The following ZNF577 variants were observed in gnomAD, a reference collection of about 807,000 sequenced individuals.
ZNF577 encodes the protein zinc finger protein 577.
A neutral mutation model predicts 13.9 loss-of-function variants in ZNF577; 14 were observed. The ratio of observed to expected loss-of-function variants is 1.00; its 90% CI spans 0.66 to 1.57. The LOEUF is 1.57. Among genes scored for constraint, ZNF577 ranks in the 40% most tolerant of loss-of-function variants. The probability of loss-of-function intolerance (pLI) is 0.00; values close to 1 mark genes in which losing one functional copy is unlikely to be tolerated. For missense variants in ZNF577, 555 were observed against 579.2 expected, an observed-to-expected ratio of 0.96 and a Z score of 0.43; for synonymous variants, 203 against 202.9, an observed-to-expected ratio of 1.00 and a Z score of 0.00.
intron 9 of ZNF577, chr19:51,825,081 T>C (rs1432318164): frequency 8.8e-6 from 3 of 342,806 alleles, no homozygotes; most frequent in Non-Finnish European, 1.7e-5. Flanking sequence ...GCTCCTCCAG[T>C]TGAGACACAA....
chr19:51,854,522 TGGG>T (rs1441327595), intron 5 of ZNF577, among the ~76,000 whole-genome samples: 11 of 115,860 alleles, frequency 9.5e-5, no homozygotes, highest in African/African-American at 3.9e-4. Flanking sequence ...TTTTTAGAGA[TGGG>T]GTCTCGCTAT....
At chr19:51,830,719 T>C (rs2084257153) in intron 9 of ZNF577, among the ~76,000 whole-genome samples, 2 of 152,240 alleles carry the variant, frequency 1.3e-5, no homozygotes, top group South Asian at 4.1e-4. Context: ...CAGTGATTTA[T>C]CTTTCTCAAT....
At chr19:51,838,119 C>T (rs984602066) in intron 9 of ZNF577, among the ~76,000 whole-genome samples, 1 of 152,200 alleles carries the variant, frequency 6.6e-6, no homozygotes, top group African/African-American at 2.4e-5. Context: ...TTGTTTCACA[C>T]TGCTAAATTT....
intron 1 of ZNF577, among the ~76,000 whole-genome samples, chr19:51,882,705 G>T (rs138008058): frequency 1.3e-5 from 2 of 152,164 alleles, no homozygotes; most frequent in East Asian, 3.9e-4. Flanking sequence ...GATCGCTTGA[G>T]CCCAGGAGTT....
chr19:51,822,752 T>C (rs894444634), intron 9 of ZNF577, among the ~76,000 whole-genome samples: 1 of 152,180 alleles, frequency 6.6e-6, no homozygotes, highest in East Asian at 1.9e-4. Context: ...CTTGAAGATA[T>C]ACAACGGATG....
chr19:51,882,906 A>G (rs967268964), intron 1 of ZNF577, among the ~76,000 whole-genome samples: 9 of 152,072 alleles, frequency 5.9e-5, no homozygotes, highest in African/African-American at 1.2e-4. Flanking sequence ...GGAAGGAAAC[A>G]GGTGATTTCT....
chr19:51,838,626 A>G (rs2084301876), intron 9 of ZNF577, among the ~76,000 whole-genome samples: 1 of 147,968 alleles, frequency 6.8e-6, no homozygotes, highest in South Asian at 2.1e-4. Context: ...AATTTATATT[A>G]AATTAAATAG....
rs138636286 is a variant in ZNF577, at chr19:51,868,998, C to T, written c.*3534G>A. On this transcript the variant is annotated 3_prime_UTR_variant, in exon 6 of 6. Coordinates refer to ENST00000638348, the MANE Select transcript of ZNF577 (RefSeq NM_001370449.1). Reference sequence around the variant, plus strand: ...CTCGAGTACCCAGGGACACAATGCACTGCGGAAGGCCGCAGGGACCTCTGC... The same window carrying T: ...CTCGAGTACCCAGGGACACAATGCATTGCGGAAGGCCGCAGGGACCTCTGC... Among the ~76,000 whole-genome samples the T allele has an allele frequency of 0.057, 8,618 of 152,116 alleles. 473 individuals carry two copies. The highest frequency in any genetic ancestry group is 0.25 in the South Asian group (1,208 of 4,808).
At chr19:51,833,201 G>A (rs935311790) in intron 9 of ZNF577, among the ~76,000 whole-genome samples, 8 of 114,240 alleles carry the variant, frequency 7.0e-5, no homozygotes, top group Admixed American at 1.8e-4. Flanking sequence ...AGAGTCTACC[G>A]GGCTCTACCT....
intron 1 of ZNF577, among the ~76,000 whole-genome samples, chr19:51,882,189 T>A (rs1278168212): frequency 6.6e-6 from 1 of 152,110 alleles, no homozygotes; most frequent in Non-Finnish European, 1.5e-5. Context: ...CATGAATGGG[T>A]TGGAGCTGAG....
intron 8 of ZNF577, among the ~76,000 whole-genome samples, chr19:51,841,690 G>A (rs1303979778): frequency 3.3e-5 from 5 of 152,116 alleles, no homozygotes; most frequent in South Asian, 2.1e-4. Flanking sequence ...GGGCCAAGGC[G>A]GGTGGATCAC....
chr19:51,872,763 A>G lies in ZNF577; in HGVS notation c.1227T>C (p.Thr409=), dbSNP rs1318362956. The G allele has an allele frequency of 6.8e-6, 11 of 1,614,190 alleles. No individual in the cohort carries two copies. The highest frequency in any genetic ancestry group is 8.5e-6 in the Non-Finnish European group (10 of 1,180,028). ...YMSELIQEQK[T]VNTVPIEMPS... is the part of the protein sequence containing the mutation. ...GCATTTCTATAGGTACTGTGTTCAC[A>G]GTCTTTTGCTCTTGTATGAGTTCGC... The change falls in exon 6 of 6, where the codon ACT becomes ACC. Residue 409 remains threonine (T), a synonymous_variant. Transcript: ENST00000638348.
chr19:51,815,645 A>G (rs1599837375), intron 9 of ZNF577, among the ~76,000 whole-genome samples: 1 of 152,060 alleles, frequency 6.6e-6, no homozygotes, highest in Non-Finnish European at 1.5e-5. Context: ...AGGTGGGCAG[A>G]TCGCTTTAAG....
chr19:51,829,893 G>A (rs1390751721), intron 9 of ZNF577, among the ~76,000 whole-genome samples: 1 of 152,140 alleles, frequency 6.6e-6, no homozygotes, highest in Non-Finnish European at 1.5e-5. Context: ...GTCAAGTGGG[G>A]CACCTTCAAA....
intron 9 of ZNF577, among the ~76,000 whole-genome samples, chr19:51,817,120 T>C (rs1187749447): frequency 6.6e-6 from 1 of 152,054 alleles, no homozygotes; most frequent in African/African-American, 2.4e-5. Flanking sequence ...CTAAGATGAG[T>C]AGTTTGATGA....
chr19:51,881,804 G>A (rs528991506), intron 1 of ZNF577, among the ~76,000 whole-genome samples: 5 of 152,262 alleles, frequency 3.3e-5, no homozygotes, highest in African/African-American at 1.2e-4. Flanking sequence ...AGCAAAGGCG[G>A]TCCCATCTTT....
At chr19:51,874,988 C>T (rs1356278298) in intron 5 of ZNF577, among the ~76,000 whole-genome samples, 1 of 152,060 alleles carries the variant, frequency 6.6e-6, no homozygotes, top group African/African-American at 2.4e-5. Flanking sequence ...TAAAAGAAGC[C>T]TCATACCAAC....
In ZNF577 at chr19:51,887,911, C is replaced by A. The variant is rs954441884; in HGVS notation, c.-1309G>T. ...AAACACTCGCCTCTACCCGCCGCCCCGCGAACCCCACACACTGCAGACGCG... is the reference window on the plus strand; with the variant it reads ...AAACACTCGCCTCTACCCGCCGCCCAGCGAACCCCACACACTGCAGACGCG... On this transcript the variant is annotated 5_prime_UTR_variant, in exon 1 of 6. Transcript: ENST00000638348. The A allele has an allele frequency of 1.3e-5, 2 of 152,252 alleles. No individual in the cohort carries two copies. The highest frequency in any genetic ancestry group is 2.9e-5 in the Non-Finnish European group (2 of 68,068). The allele number at this position is 152,252 out of a possible 1,614,324, so 9.4% of individuals were successfully genotyped here. A position where few individuals can be genotyped will look rare whatever the true frequency, so the allele number is the denominator to read the frequency against.
intron 9 of ZNF577, among the ~76,000 whole-genome samples, chr19:51,818,848 G>C (rs1159770819): frequency 6.6e-6 from 1 of 152,192 alleles, no homozygotes; most frequent in Non-Finnish European, 1.5e-5. Context: ...GGAAGCCATA[G>C]AAGAGTGCTG....
Sources: gnomAD v4.1 joint callset for allele counts (sites outside exome capture counted in the v4.1 genomes callset) on GRCh38, gnomAD v4.1.1 for gene constraint, MANE v1.5 for transcripts, NCBI Gene and HGNC (gene_info 2026-07-23, HGNC 2026-07-21) for gene names.